Variants in AFG1L observed in about 807,000 individuals in gnomAD.
AFG1L encodes the protein AFG1 like ATPase.
In AFG1L, 53 loss-of-function variants were observed where a neutral mutation model predicts 62.2. The observed-to-expected ratio is 0.85, with a 90% CI of 0.68 to 1.07. The LOEUF (loss-of-function observed/expected upper bound fraction) is 1.07. Ranked by LOEUF, AFG1L falls within the 50% of genes least tolerant of loss-of-function variation. The probability of loss-of-function intolerance (pLI) is 0.00; values close to 1 mark genes in which losing one functional copy is unlikely to be tolerated. For synonymous variants in AFG1L, 228 were observed against 210.3 expected (o/e 1.08, Z -0.73); for missense variants, 555 against 590.5 (o/e 0.94, Z 0.62).
intron 2 of AFG1L, among the ~76,000 whole-genome samples, chr6:108,345,907 T>A (rs1237307412): frequency 2.0e-5 from 3 of 152,220 alleles, no homozygotes; most frequent in Non-Finnish European, 4.4e-5. Flanking sequence ...CTGGCCTTTT[T>A]ATCTGGAGAT....
At chr6:108,399,041 A>G (rs2114619283) in intron 6 of AFG1L, among the ~76,000 whole-genome samples, 1 of 152,252 alleles carries the variant, frequency 6.6e-6, no homozygotes, top group East Asian at 1.9e-4. Flanking sequence ...TTTGGATAGT[A>G]TGAGCATTTT....
intron 7 of AFG1L, 23 bp from the exon 8 acceptor site, chr6:108,447,191 C>T (rs762451532): frequency 1.6e-6 from 2 of 1,261,678 alleles, no homozygotes; most frequent in East Asian, 2.3e-5. Context: ...TTTAAAAAGG[C>T]ACTTCATTTG....
At chr6:108,338,742 T>G (rs1201912303) in intron 2 of AFG1L, among the ~76,000 whole-genome samples, 1 of 152,250 alleles carries the variant, frequency 6.6e-6, no homozygotes, top group Non-Finnish European at 1.5e-5. Context: ...TAATGCTTTA[T>G]GCAATAAACT....
At chr6:108,392,791 T>C (rs931370853) in intron 6 of AFG1L, among the ~76,000 whole-genome samples, 1 of 152,140 alleles carries the variant, frequency 6.6e-6, no homozygotes, top group African/African-American at 2.4e-5. Flanking sequence ...AATTATTGTG[T>C]GATAATTTAT....
In AFG1L at chr6:108,525,150, A is replaced by G. The variant is rs923890447; in HGVS notation, c.*2725A>G. On this transcript the variant is annotated 3_prime_UTR_variant, in exon 13 of 13. Coordinates refer to ENST00000368977, the MANE Select transcript of AFG1L (RefSeq NM_145315.5). ...GATGTCTTTAGAGTCAGGAGAAAAC[A>G]TCATGTGCCAAGGGTGCTCTCCAAA... 1 of 152,230 alleles carries G rather than the reference A, an allele frequency of 6.6e-6. No homozygotes were observed. The highest frequency in any genetic ancestry group is 1.5e-5 in the Non-Finnish European group (1 of 68,038). 9.4% of individuals were successfully genotyped at this position (152,230 alleles called of 1,614,324 possible).
chr6:108,490,749 T>A (rs1773744096), intron 10 of AFG1L, among the ~76,000 whole-genome samples: 1 of 152,230 alleles, frequency 6.6e-6, no homozygotes, highest in Admixed American at 6.5e-5. Flanking sequence ...TTTGTCTTTC[T>A]CAGGCTACTT....
chr6:108,398,888 G>T (rs1223735388), intron 6 of AFG1L, among the ~76,000 whole-genome samples: 1 of 152,048 alleles, frequency 6.6e-6, no homozygotes, highest in Non-Finnish European at 1.5e-5. Flanking sequence ...TGTGATTTCT[G>T]CAGTTTTGTT....
rs186214750 is a variant in AFG1L, at chr6:108,301,773, G to T, written c.139+6555G>T. 2.6e-5 allele frequency among the ~76,000 whole-genome samples: 4 copies of T among 152,256 alleles called. No individual in the cohort carries two copies. The South Asian group carries it at 8.3e-4, about 32-fold the overall frequency. On this transcript the variant is annotated intron_variant, in intron 1 of 12. Coordinates refer to ENST00000368977, the MANE Select transcript of AFG1L (RefSeq NM_145315.5). The stretch of plus-strand genomic sequence containing the variant: ...ACTGTTGGAACCACGCTGATGTGGG[G>T]TTGCTAGGTGATTCCAATATGTGCC...
chr6:108,296,378 G>T (rs1407979161), intron 1 of AFG1L, among the ~76,000 whole-genome samples: 1 of 152,070 alleles, frequency 6.6e-6, no homozygotes, highest in Non-Finnish European at 1.5e-5. Flanking sequence ...GTCAATAAAA[G>T]CAAATGCTAT....
At chr6:108,403,401 C>T (rs529316975) in intron 7 of AFG1L, among the ~76,000 whole-genome samples, 11 of 152,232 alleles carry the variant, frequency 7.2e-5, no homozygotes, top group Non-Finnish European at 1.2e-4. Flanking sequence ...AATTACTGTT[C>T]GTGCCAAACT....
At chr6:108,316,670 C>CT (rs1273406307) in intron 1 of AFG1L, among the ~76,000 whole-genome samples, 1 of 151,124 alleles carries the variant, frequency 6.6e-6, no homozygotes, top group Non-Finnish European at 1.5e-5. Flanking sequence ...GTAGCTGGGA[C>CT]TACAGGCACC....
intron 10 of AFG1L, among the ~76,000 whole-genome samples, chr6:108,496,436 T>C (rs1427169390): frequency 6.6e-6 from 1 of 152,174 alleles, no homozygotes; most frequent in East Asian, 1.9e-4. Context: ...CTGAGGTGAA[T>C]AGAACTCCCT....
At chr6:108,295,314 C>T (rs575028088) in intron 1 of AFG1L, 96 bp downstream of exon 1, 2 of 1,409,348 alleles carry the variant, frequency 1.4e-6, no homozygotes, top group South Asian at 1.4e-5. Context: ...CAGGTGTCTC[C>T]TGCTTTCACG....
intron 6 of AFG1L, among the ~76,000 whole-genome samples, chr6:108,399,170 TTTTG>T (rs1433392811): frequency 8.6e-5 from 12 of 138,884 alleles, no homozygotes; most frequent in South Asian, 2.3e-4. Context: ...CTGTCACTTC[TTTTG>T]TTTGTTTTTT....
Position 108,479,983 on chromosome 6 carries a change from CTG to C in AFG1L, c.1062+2695_1062+2696del, listed in dbSNP as rs540341299. ...AGGAAAAAATAATACAGAAACTTACCTGTGTCTTGATAAGGTAAAAGAAGGTT... is the reference window on the plus strand; with the variant it reads ...AGGAAAAAATAATACAGAAACTTACCTGTCTTGATAAGGTAAAAGAAGGTT... On this transcript the variant is annotated intron_variant, in intron 10 of 12. Coordinates refer to ENST00000368977, the MANE Select transcript of AFG1L (RefSeq NM_145315.5). Among the ~76,000 whole-genome samples, 111 of 152,226 alleles carry C rather than the reference CTG, an allele frequency of 7.3e-4. 1 individual carries two copies. The highest frequency in any genetic ancestry group is 2.5e-3 in the African/African-American group (105 of 41,542).
chr6:108,323,933 T>C lies in AFG1L; in HGVS notation c.248T>C (p.Ile83Thr). Residue 83 changes from isoleucine to threonine, a missense_variant, in exon 2 of 13, where the codon ATC (isoleucine) becomes ACC (threonine). Coordinates refer to ENST00000368977, the MANE Select transcript of AFG1L (RefSeq NM_145315.5). ...HGPLDHYDFL[I>T]KAHELKDDEH... is the part of the protein sequence containing the mutation. ...CCTCTGGACCACTATGATTTTCTGA[T>C]CAAAGCTCATGAGCTAAAGGATGAT... is the stretch of plus-strand genomic sequence containing the variant. The C allele has an allele frequency of 6.2e-7, 1 of 1,614,108 alleles. No homozygotes were observed.
At chr6:108,488,327 A>C (rs1208952892) in intron 10 of AFG1L, among the ~76,000 whole-genome samples, 6 of 152,220 alleles carry the variant, frequency 3.9e-5, no homozygotes, top group Non-Finnish European at 8.8e-5. Context: ...TACATAGATC[A>C]CTAGAATGTG....
intron 1 of AFG1L, among the ~76,000 whole-genome samples, chr6:108,315,988 A>G (rs1361744553): frequency 1.3e-5 from 2 of 152,128 alleles, no homozygotes; most frequent in Non-Finnish European, 2.9e-5. Flanking sequence ...TTGAGGCTGC[A>G]GTGAGCCATG....
intron 2 of AFG1L, among the ~76,000 whole-genome samples, chr6:108,333,119 T>C (rs1203718604): frequency 1.3e-5 from 2 of 152,164 alleles, no homozygotes; most frequent in African/African-American, 4.8e-5. Flanking sequence ...TCAAAAATAA[T>C]TGACTACTGG....
Sources: gnomAD v4.1 joint callset for allele counts (sites outside exome capture counted in the v4.1 genomes callset) on GRCh38, gnomAD v4.1.1 for gene constraint, MANE v1.5 for transcripts, NCBI Gene and HGNC (gene_info 2026-07-23, HGNC 2026-07-21) for gene names.